Variants in ERGIC1 observed in about 807,000 individuals in gnomAD.
ERGIC1 encodes endoplasmic reticulum-Golgi intermediate compartment protein 1.
In ERGIC1, 19 loss-of-function variants were observed where a neutral mutation model predicts 38.3. The observed-to-expected ratio is 0.50, with a 90% CI of 0.35 to 0.73. ERGIC1 has a LOEUF of 0.73. Ranked by LOEUF, ERGIC1 falls within the 30% of genes least tolerant of loss-of-function variation. ERGIC1 has a pLI of 0.01. For missense variants in ERGIC1, 294 were observed against 389.2 expected (o/e 0.76, Z 2.06); for synonymous variants, 124 against 157.6 (o/e 0.79, Z 1.60).
In ERGIC1 at chr5:172,941,218, A is replaced by G. The variant is rs538017309; in HGVS notation, c.765+5908A>G. ...CAGGAGATCTTGGCAGTAAGCCAAG[A>G]TCGTGCCACTGCACTCCAGCTCTGT... On this transcript the variant is annotated intron_variant, in intron 9 of 9. Coordinates refer to ENST00000393784, the MANE Select transcript of ERGIC1 (RefSeq NM_001031711.3). Among the ~76,000 whole-genome samples, 10 of 152,060 alleles carry G rather than the reference A, an allele frequency of 6.6e-5. No individual in the cohort carries two copies. In the East Asian group the frequency reaches 1.7e-3, roughly 27 times the overall value.
intron 1 of ERGIC1, among the ~76,000 whole-genome samples, chr5:172,877,921 C>T (rs1762186816): frequency 6.6e-6 from 1 of 152,212 alleles, no homozygotes; most frequent in African/African-American, 2.4e-5. Flanking sequence ...ACCCTGCAGC[C>T]AGCCTGGGGC....
intron 4 of ERGIC1, among the ~76,000 whole-genome samples, chr5:172,913,762 C>G (rs556552869): frequency 1.3e-5 from 2 of 152,304 alleles, no homozygotes; most frequent in South Asian, 4.1e-4. Context: ...GATGGGGAAG[C>G]CATCTGAGTC....
chr5:172,905,145 C>T (rs1231847472), intron 3 of ERGIC1: 2 of 173,446 alleles, frequency 1.2e-5, no homozygotes, highest in South Asian at 1.3e-4. Flanking sequence ...CATCATCCCA[C>T]AATCCCTCAG....
At chr5:172,946,521 G>A (rs1204640779) in intron 9 of ERGIC1, among the ~76,000 whole-genome samples, 2 of 152,140 alleles carry the variant, frequency 1.3e-5, no homozygotes, top group East Asian at 1.9e-4. Context: ...GCCCATGTAG[G>A]GCCTGAATTC....
In ERGIC1 at chr5:172,951,560, G is replaced by A. The variant is rs562255010; in HGVS notation, c.*744G>A. 6.6e-5 allele frequency: 10 copies of A among 152,160 alleles called. No homozygotes were observed. Among genetic ancestry groups the A allele is most frequent in the South Asian group, 2.1e-4 (1 of 4,824 alleles). 9.4% of individuals were successfully genotyped at this position (152,160 alleles called of 1,614,324 possible). On this transcript the variant is annotated 3_prime_UTR_variant, in exon 10 of 10. Coordinates refer to ENST00000393784, the MANE Select transcript of ERGIC1 (RefSeq NM_001031711.3). ...AGATTCCTCTTCCTCTCTTCTCCTC[G>A]TTCCTCTGAACCCTCCACCAATGTG...
chr5:172,921,740 T>C (rs1322331462), intron 5 of ERGIC1: 2 of 150,882 alleles, frequency 1.3e-5, no homozygotes, highest in African/African-American at 4.9e-5. Flanking sequence ...TCCGTCTCAT[T>C]TGGAGTTCAA....
chr5:172,847,110 T>C (rs77624003), intron 1 of ERGIC1, among the ~76,000 whole-genome samples: 4,202 of 152,270 alleles, frequency 0.028, 84 homozygotes, highest in Non-Finnish European at 0.041. Context: ...GAAGATGGGG[T>C]GCTCCGCTCC....
intron 1 of ERGIC1, among the ~76,000 whole-genome samples, chr5:172,864,017 G>A (rs920817537): frequency 1.3e-5 from 2 of 152,106 alleles, no homozygotes; most frequent in Non-Finnish European, 2.9e-5. Context: ...CCAACATGCT[G>A]AAACTTCTCT....
chr5:172,855,690 G>A (rs1304831876), intron 1 of ERGIC1, among the ~76,000 whole-genome samples: 1 of 152,236 alleles, frequency 6.6e-6, no homozygotes, highest in Non-Finnish European at 1.5e-5. Context: ...CTGGGGCAGG[G>A]AGCCAGGCCC....
At chr5:172,835,676 T>C (rs1473835761) in intron 1 of ERGIC1, among the ~76,000 whole-genome samples, 1 of 152,214 alleles carries the variant, frequency 6.6e-6, no homozygotes, top group Non-Finnish European at 1.5e-5. Context: ...TAGCCTGCCA[T>C]GACCCCCATA....
chr5:172,903,968 T>TACACACACACACACAC (rs70984919), intron 3 of ERGIC1, among the ~76,000 whole-genome samples: 15,222 of 150,220 alleles, frequency 0.1, 975 homozygotes, highest in East Asian at 0.14. Flanking sequence ...GTCTCACACA[T>TACACACACACACACAC]ACACACACAC....
chr5:172,946,930 C>G (rs1237787913), intron 9 of ERGIC1, among the ~76,000 whole-genome samples: 1 of 151,866 alleles, frequency 6.6e-6, no homozygotes. Context: ...CACCTGTAAT[C>G]CCACCACTTT....
At chr5:172,844,895 G>A (rs1238466680) in intron 1 of ERGIC1, among the ~76,000 whole-genome samples, 1 of 152,172 alleles carries the variant, frequency 6.6e-6, no homozygotes, top group Non-Finnish European at 1.5e-5. Context: ...ACTTCCCAGG[G>A]CTATGCTGTG....
rs554968029 is a variant in ERGIC1, at chr5:172,926,944, G to A, written c.541+375G>A. ...GTTCTGCCTCCAGGTCGCACCGTGA[G>A]AACAGGTCTGTGGGTGGCCCAGTCA... On this transcript the variant is annotated intron_variant, in intron 7 of 9. Coordinates refer to ENST00000393784, the MANE Select transcript of ERGIC1 (RefSeq NM_001031711.3). The surrounding 1 kb of genome is among the most constrained non-coding windows in gnomAD (Gnocchi z 5.2). 28 of 241,838 alleles carry A rather than the reference G, an allele frequency of 1.2e-4. 1 individual carries two copies. Among genetic ancestry groups the A allele is most frequent in the South Asian group, 1.1e-3 (21 of 18,678 alleles). The allele number at this position is 241,838 out of a possible 1,614,324, so 15.0% of individuals were successfully genotyped here. A position where few individuals can be genotyped will look rare whatever the true frequency, so the allele number is the denominator to read the frequency against.
At chr5:172,857,454 G>T (rs918105275) in intron 1 of ERGIC1, among the ~76,000 whole-genome samples, 2 of 152,068 alleles carry the variant, frequency 1.3e-5, no homozygotes, top group African/African-American at 2.4e-5. Flanking sequence ...TTGAGCCTGG[G>T]ACTCACTGCC....
chr5:172,938,604 T>C (rs1220377074), intron 9 of ERGIC1, among the ~76,000 whole-genome samples: 1 of 151,558 alleles, frequency 6.6e-6, no homozygotes, highest in African/African-American at 2.4e-5. Flanking sequence ...ATACAAAAAT[T>C]AGCTGAGCAT....
At chr5:172,885,315 G>A (rs1306576959) in intron 1 of ERGIC1, among the ~76,000 whole-genome samples, 1 of 134,050 alleles carries the variant, frequency 7.5e-6, no homozygotes, top group Non-Finnish European at 1.7e-5. Context: ...ATTTTTTTTT[G>A]TGGAGATGAG....
chr5:172,847,707 G>T (rs570407584), intron 1 of ERGIC1, among the ~76,000 whole-genome samples: 1 of 152,290 alleles, frequency 6.6e-6, no homozygotes, highest in East Asian at 1.9e-4. Flanking sequence ...TAGAGACGGG[G>T]TTTCGCCGTG....
intron 3 of ERGIC1, among the ~76,000 whole-genome samples, chr5:172,903,987 A>ACACG (rs1475620667): frequency 6.6e-6 from 1 of 151,674 alleles, no homozygotes; most frequent in Admixed American, 6.6e-5. Context: ...ACACACACAC[A>ACACG]CATTGACTCA....
Sources: allele counts gnomAD v4.1 joint callset (sites outside exome capture counted in the v4.1 genomes callset), GRCh38; gene constraint gnomAD v4.1.1; non-coding constraint Gnocchi (gnomAD v3.1); transcripts MANE v1.5; gene names NCBI Gene and HGNC (gene_info 2026-07-23, HGNC 2026-07-21).